FAM89A: variants seen among roughly 807,000 people sequenced by gnomAD.
The protein encoded by FAM89A is protein FAM89A.
Under a neutral mutation model 7.1 loss-of-function variants are expected in FAM89A, and 10 were observed. The observed-to-expected ratio is 1.40, with a 90% CI of 0.86 to 2.38. FAM89A has a LOEUF of 2.38. Among genes scored for constraint, FAM89A ranks in the 30% most tolerant of loss-of-function variants. FAM89A has a pLI of 0.00. For missense variants in FAM89A, 276 were observed against 262.8 expected, an observed-to-expected ratio of 1.05 and a Z score of -0.35; for synonymous variants, 157 against 129.3, an observed-to-expected ratio of 1.21 and a Z score of -1.45.
Position 231,025,074 on chromosome 1 carries a change from C to T in FAM89A, c.292-4948G>A, listed in dbSNP as rs181823312. ...AGTAGCTGGGACTACAGGCGCTCGC[C>T]ACTACGTCCGGCTAATTTTTTGTAT... is the stretch of plus-strand genomic sequence containing the variant. On this transcript the variant is annotated intron_variant, in intron 1 of 1. Transcript: ENST00000366654. Among the ~76,000 whole-genome samples the T allele has an allele frequency of 2.6e-5, 4 of 152,156 alleles. No homozygotes were observed. In the East Asian group the frequency reaches 7.7e-4, roughly 29 times the overall value.
At chr1:231,034,210 G>A (rs1164277259) in intron 1 of FAM89A, among the ~76,000 whole-genome samples, 2 of 152,184 alleles carry the variant, frequency 1.3e-5, no homozygotes, top group Non-Finnish European at 2.9e-5. Context: ...TATGCTTGGT[G>A]ACAGGCCCCG....
chr1:231,021,836 C>T, intron 1 of FAM89A: 1 of 1,599,162 alleles, frequency 6.3e-7, no homozygotes, highest in South Asian at 1.1e-5. Context: ...AAGAAGAAGA[C>T]CAAGGAGGAA....
chr1:231,037,490 CA>C (rs2103077751), intron 1 of FAM89A, among the ~76,000 whole-genome samples: 1 of 152,290 alleles, frequency 6.6e-6, no homozygotes, highest in East Asian at 1.9e-4. Flanking sequence ...TTCACATTAG[CA>C]AGCCCCCTAC....
chr1:231,040,233 G>T lies in FAM89A; in HGVS notation c.-22C>A. Reference sequence around the variant, plus strand: ...TCATCGCGCCGCGGCCCGGCCACGCGCCTGCCCCGCTGCAGCGAACCAAGG... The same window carrying T: ...TCATCGCGCCGCGGCCCGGCCACGCTCCTGCCCCGCTGCAGCGAACCAAGG... On this transcript the variant is annotated 5_prime_UTR_variant, in exon 1 of 2. Transcript: ENST00000366654. 1 of 1,034,672 alleles carries T rather than the reference G, an allele frequency of 9.7e-7. No homozygotes were observed. Among genetic ancestry groups the T allele is most frequent in the African/African-American group, 1.7e-5 (1 of 57,758 alleles). 64.1% of individuals were successfully genotyped at this position (1,034,672 alleles called of 1,614,324 possible).
intron 1 of FAM89A, chr1:231,021,613 G>A (rs1420615631): frequency 2.0e-6 from 3 of 1,488,502 alleles, no homozygotes; most frequent in African/African-American, 1.4e-5. Flanking sequence ...AGAGCACAAT[G>A]AGTACAAGAA....
intron 1 of FAM89A, among the ~76,000 whole-genome samples, chr1:231,034,153 A>G (rs1680119960): frequency 6.6e-6 from 1 of 152,170 alleles, no homozygotes; most frequent in South Asian, 2.1e-4. Context: ...CAAGGAATTC[A>G]CAGCAACTAG....
intron 1 of FAM89A, among the ~76,000 whole-genome samples, chr1:231,038,933 C>T (rs1237596302): frequency 3.9e-5 from 6 of 152,114 alleles, no homozygotes; most frequent in African/African-American, 1.4e-4. Context: ...AACAATTTAC[C>T]TATAGGGAAA....
intron 1 of FAM89A, among the ~76,000 whole-genome samples, chr1:231,038,188 C>G (rs2103078083): frequency 6.6e-6 from 1 of 152,314 alleles, no homozygotes; most frequent in African/African-American, 2.4e-5. Context: ...TTTATCTCAG[C>G]TAAATACCAG....
rs1679824971 is a variant in FAM89A, at chr1:231,019,172, GTTCT to G, written c.*687_*690del. ...CACATTGGCTTGCCCCAGTTTTTGT[GTTCT>G]TTTTTTTTTTTTCACTATTCAACAT... On this transcript the variant is annotated 3_prime_UTR_variant, in exon 2 of 2. Coordinates refer to ENST00000366654, the MANE Select transcript of FAM89A (RefSeq NM_198552.3). The G allele has an allele frequency of 5.2e-5, 2 of 38,576 alleles. No individual in the cohort carries two copies. Among genetic ancestry groups the G allele is most frequent in the African/African-American group, 1.9e-4 (2 of 10,782 alleles). 2.4% of individuals were successfully genotyped at this position (38,576 alleles called of 1,614,324 possible). A position where few individuals can be genotyped will look rare whatever the true frequency, so the allele number is the denominator to read the frequency against.
chr1:231,023,104 G>A (rs1401538335), intron 1 of FAM89A, among the ~76,000 whole-genome samples: 1 of 152,036 alleles, frequency 6.6e-6, no homozygotes, highest in Admixed American at 6.5e-5. Flanking sequence ...GAGAGGTGGT[G>A]GCAGTAATTG....
At chr1:231,037,217 T>C (rs1428380961) in intron 1 of FAM89A, among the ~76,000 whole-genome samples, 1 of 152,194 alleles carries the variant, frequency 6.6e-6, no homozygotes, top group Non-Finnish European at 1.5e-5. Flanking sequence ...TAAAACAGAC[T>C]TTGAGTATCT....
intron 1 of FAM89A, among the ~76,000 whole-genome samples, chr1:231,024,914 CTTTTTTTTTTT>C (rs60500715): frequency 1.6e-4 from 10 of 63,424 alleles, no homozygotes; most frequent in Middle Eastern, 0.024. Context: ...CACAACTACT[CTTTTTTTTTTT>C]TTTTTTTTTT....
chr1:231,033,946 C>A (rs1050925398), intron 1 of FAM89A, among the ~76,000 whole-genome samples: 2 of 152,244 alleles, frequency 1.3e-5, no homozygotes, highest in African/African-American at 4.8e-5. Flanking sequence ...TGCTTTCATA[C>A]ACACAAACTA....
At chr1:231,034,021 A>C (rs1437580280) in intron 1 of FAM89A, among the ~76,000 whole-genome samples, 3 of 152,206 alleles carry the variant, frequency 2.0e-5, no homozygotes, top group Non-Finnish European at 4.4e-5. Context: ...TGGGACAAGT[A>C]CAGGGTAGCA....
chr1:231,039,869 CG>C, intron 1 of FAM89A, 51 bp downstream of exon 1: 1 of 1,273,806 alleles, frequency 7.9e-7, no homozygotes, highest in South Asian at 2.6e-5. Context: ...CGAACTTTCC[CG>C]GGACGGCGAG....
chr1:231,035,939 G>A (rs574337551), intron 1 of FAM89A, among the ~76,000 whole-genome samples: 1 of 152,312 alleles, frequency 6.6e-6, no homozygotes, highest in East Asian at 1.9e-4. Flanking sequence ...GCTGGCCCAG[G>A]CTGGCCAGGC....
intron 1 of FAM89A, among the ~76,000 whole-genome samples, chr1:231,037,077 T>C (rs1374241585): frequency 6.6e-6 from 1 of 152,180 alleles, no homozygotes; most frequent in Non-Finnish European, 1.5e-5. Context: ...TGTATGTGTG[T>C]GTGTGTGAGA....
At chr1:231,021,803 G>A (rs902277943) in intron 1 of FAM89A, 19 of 1,602,336 alleles carry the variant, frequency 1.2e-5, no homozygotes, top group African/African-American at 4.0e-5. Flanking sequence ...GACTCACAAT[G>A]ACTCTGTTGT....
At chr1:231,020,329 G>T (rs539684695) in intron 1 of FAM89A, among the ~76,000 whole-genome samples, 2 of 152,134 alleles carry the variant, frequency 1.3e-5, no homozygotes, top group Non-Finnish European at 1.5e-5. Flanking sequence ...GTTACTCATT[G>T]AGTCCAGTGA....
Sources: allele counts gnomAD v4.1 joint callset (sites outside exome capture counted in the v4.1 genomes callset), GRCh38; gene constraint gnomAD v4.1.1; transcripts MANE v1.5; gene names NCBI Gene and HGNC (gene_info 2026-07-23, HGNC 2026-07-21).